CCDC15: variants seen among roughly 807,000 people sequenced by gnomAD.
The protein encoded by CCDC15 is coiled-coil domain containing 15.
In CCDC15, 105 loss-of-function variants were observed where a neutral mutation model predicts 114.5. That is an observed-to-expected ratio of 0.92 (90% CI 0.78 to 1.08). CCDC15 has a LOEUF of 1.08. CCDC15 is among the 50% of genes least tolerant of loss of function. CCDC15 has a pLI of 0.00. For missense variants in CCDC15, 1,105 were observed against 1,093.6 expected (o/e 1.01, Z -0.15); for synonymous variants, 334 against 377.8 (o/e 0.88, Z 1.34).
chr11:124,982,871 A>C (rs1948094110), intron 6 of CCDC15, among the ~76,000 whole-genome samples: 1 of 152,242 alleles, frequency 6.6e-6, no homozygotes, highest in South Asian at 2.1e-4. Flanking sequence ...CATGGATGAT[A>C]TGAAAATATG....
chr11:124,975,033 T>C (rs891251999), intron 4 of CCDC15, 63 bp from the exon 5 acceptor site: 1 of 980,056 alleles, frequency 1.0e-6, no homozygotes, highest in African/African-American at 1.7e-5. Context: ...TTGGAACACT[T>C]AGTGCATTTG....
chr11:124,993,370 C>T (rs1342178434), intron 11 of CCDC15, 127 bp downstream of exon 11: 3 of 636,042 alleles, frequency 4.7e-6, no homozygotes, highest in Non-Finnish European at 8.4e-6. Flanking sequence ...GTAACTGCTT[C>T]AGGAATTTAG....
chr11:124,973,526 G>A (rs983794337), intron 4 of CCDC15, among the ~76,000 whole-genome samples: 1 of 151,934 alleles, frequency 6.6e-6, no homozygotes, highest in African/African-American at 2.4e-5. Flanking sequence ...ATAGACCTCT[G>A]AAAACAAGCT....
chr11:125,029,384 C>G (rs1948723938), intron 13 of CCDC15, among the ~76,000 whole-genome samples: 2 of 152,152 alleles, frequency 1.3e-5, no homozygotes, highest in Non-Finnish European at 1.5e-5. Flanking sequence ...CATAATTATG[C>G]CTAGCATAAT....
intron 13 of CCDC15, among the ~76,000 whole-genome samples, chr11:125,011,736 T>G (rs1398662906): frequency 6.6e-6 from 1 of 152,162 alleles, no homozygotes. Flanking sequence ...TACAAGTTTA[T>G]GTACCTTACA....
At chr11:125,032,893 G>A (rs1948750094) in intron 13 of CCDC15, among the ~76,000 whole-genome samples, 2 of 152,124 alleles carry the variant, frequency 1.3e-5, no homozygotes, top group Admixed American at 6.5e-5. Flanking sequence ...TGATGTTTTG[G>A]GCCCCTGGAT....
At chr11:124,969,703 T>C (rs538338769) in intron 4 of CCDC15, among the ~76,000 whole-genome samples, 33 of 152,330 alleles carry the variant, frequency 2.2e-4, no homozygotes, top group African/African-American at 7.9e-4. Context: ...TTGAAAAAAC[T>C]AGTATTTCAG....
At chr11:124,954,456 G>C (rs1947513100) in intron 1 of CCDC15, 86 bp downstream of exon 1, 3 of 294,026 alleles carry the variant, frequency 1.0e-5, no homozygotes, top group Non-Finnish European at 1.3e-5. Context: ...GACAGTCTTC[G>C]TTCTCTCATT....
At chr11:125,006,808 T>C (rs73020397) in intron 13 of CCDC15, among the ~76,000 whole-genome samples, 5,995 of 152,302 alleles carry the variant, frequency 0.039, 146 homozygotes, top group Middle Eastern at 0.092. Context: ...CTTTGCTCTT[T>C]TGTTAAAAAT....
At chr11:124,992,718 A>T in intron 10 of CCDC15, 31 bp downstream of exon 10, 1 of 1,193,418 alleles carries the variant, frequency 8.4e-7, no homozygotes, top group Non-Finnish European at 1.2e-6. Context: ...AGGACTGTAT[A>T]CCTTCTAAAA....
At position 125,030,461 on chromosome 11, in the gene CCDC15, C is replaced by T. The variant is rs567959648; in HGVS notation, c.2412-7970C>T. ...GGTAATGCTGTGTAGAATACCATGA[C>T]GGTGGATAAGGCATTCTGTGAGTAC... On this transcript the variant is annotated intron_variant, in intron 13 of 15. Coordinates refer to ENST00000344762, the MANE Select transcript of CCDC15 (RefSeq NM_025004.3). Among the ~76,000 whole-genome samples the T allele has an allele frequency of 6.6e-5, 10 of 152,204 alleles. No homozygotes were observed. In the South Asian group the frequency reaches 1.0e-3, roughly 16 times the overall value.
chr11:125,022,986 A>G (rs1948671902), intron 13 of CCDC15, among the ~76,000 whole-genome samples: 1 of 151,958 alleles, frequency 6.6e-6, no homozygotes, highest in Non-Finnish European at 1.5e-5. Context: ...GATATACAAT[A>G]AACTGTACAT....
rs1200522861 is a variant in CCDC15 at position 124,992,576 on chromosome 11, C to A, written c.2032-4C>A. On this transcript the variant is annotated splice_region_variant and splice_polypyrimidine_tract_variant and intron_variant, in intron 9 of 15. Coordinates refer to ENST00000344762, the MANE Select transcript of CCDC15 (RefSeq NM_025004.3). ...TGTTTTTCCTTTAAAATATGTTTCT[C>A]AAGCAACCTGCATCTTTTATGAGAG... 3.2e-6 allele frequency: 5 copies of A among 1,558,240 alleles called. No homozygotes were observed. In the African/African-American group the frequency reaches 5.5e-5, roughly 17 times the overall value.
In CCDC15 at chr11:125,040,641, G is replaced by T. The variant is rs1160968592; in HGVS notation, c.2786G>T (p.Gly929Val). The T allele has an allele frequency of 3.1e-6, 5 of 1,611,594 alleles. No individual in the cohort carries two copies. Among genetic ancestry groups the T allele is most frequent in the Admixed American group, 1.7e-5 (1 of 59,752 alleles). Residue 929 changes from glycine (G) to valine (V), a missense_variant, in exon 16 of 16, where the codon GGT (glycine) becomes GTT (valine). Gly to Val is a moderately radical substitution (Grantham distance 109). Coordinates refer to ENST00000344762, the MANE Select transcript of CCDC15 (RefSeq NM_025004.3). ...SFINSCDVPG[G>V]NSTLRVAIHN... ...ATCAATTCCTGTGATGTCCCTGGGG[G>T]TAATTCAACTCTTCGAGTCGCAATT... is the stretch of plus-strand genomic sequence containing the variant.
chr11:124,986,691 T>TGTATG, intron 6 of CCDC15, 51 bp from the exon 7 acceptor site: 1 of 1,221,884 alleles, frequency 8.2e-7, no homozygotes. Flanking sequence ...GTGTGTGTGT[T>TGTATG]TGTGTGTGTG....
In CCDC15 at chr11:124,986,700, T is replaced by TGTGTGTGTGTGTGTGC. The variant is rs878887902; in HGVS notation, c.754-41_754-40insTGTGTGTGTGTGTGCG. 1,273 of 1,351,974 alleles carry TGTGTGTGTGTGTGTGC rather than the reference T, an allele frequency of 9.4e-4. 9 individuals carry two copies. Among genetic ancestry groups the TGTGTGTGTGTGTGTGC allele is most frequent in the African/African-American group, 2.2e-3 (136 of 61,590 alleles). The allele number at this position is 1,351,974 out of a possible 1,614,324, so 83.7% of individuals were successfully genotyped here. ...GTGTGTGTGTGTGTGTTTGTGTGTG[T>TGTGTGTGTGTGTGTGC]GCGCGCGCGCGCGTGCGCGTTTTCA... On this transcript the variant is annotated intron_variant, in intron 6 of 15. Transcript: ENST00000344762.
intron 11 of CCDC15, among the ~76,000 whole-genome samples, chr11:124,995,117 C>G (rs1013207841): frequency 6.6e-6 from 1 of 152,102 alleles, no homozygotes; most frequent in African/African-American, 2.4e-5. Context: ...CATCCTGAGC[C>G]CTGCCAGGCT....
Position 124,987,126 on chromosome 11 carries a change from G to A in CCDC15, c.901-1G>A. The A allele has an allele frequency of 2.7e-6, 4 of 1,503,956 alleles. No individual in the cohort carries two copies. Among genetic ancestry groups the A allele is most frequent in the Non-Finnish European group, 3.5e-6 (4 of 1,129,034 alleles). The allele number at this position is 1,503,956 out of a possible 1,614,324, so 93.2% of individuals were successfully genotyped here. On this transcript the variant is annotated splice_acceptor_variant, in intron 7 of 15. Transcript: ENST00000344762. LOFTEE classifies it high-confidence loss of function. ...TATTTGGTGTTTATGTTCACTTTTA[G>A]AAAGTAAAATTCAAAAATCCATTAT...
chr11:124,988,159 C>CA (rs1234676497), intron 8 of CCDC15, 25 bp downstream of exon 8: 1 of 1,581,560 alleles, frequency 6.3e-7, no homozygotes, highest in African/African-American at 1.4e-5. Flanking sequence ...AAAGGAGATA[C>CA]AAAAAGAAGA....
Sources: gnomAD v4.1 joint callset for allele counts (sites outside exome capture counted in the v4.1 genomes callset) on GRCh38, gnomAD v4.1.1 for gene constraint, MANE v1.5 for transcripts, NCBI Gene and HGNC (gene_info 2026-07-23, HGNC 2026-07-21) for gene names.